Variants in DNMT3B observed in about 807,000 individuals in gnomAD.
DNMT3B encodes the protein DNA (cytosine-5)-methyltransferase 3B.
Under a neutral mutation model 120.2 loss-of-function variants are expected in DNMT3B, and 37 were observed. That is an observed-to-expected ratio of 0.31 (90% confidence interval 0.24 to 0.40). DNMT3B has a LOEUF of 0.40. Among genes scored for constraint, DNMT3B ranks in the 10% least tolerant of loss-of-function variants. The pLI is 1.00. For synonymous variants in DNMT3B, 412 were observed against 442.8 expected (o/e 0.93, Z 0.87); for missense variants, 878 against 1,137.3 (o/e 0.77, Z 3.28).
At chr20:32,763,594 A>G (rs1987110914) in intron 1 of DNMT3B, among the ~76,000 whole-genome samples, 1 of 152,180 alleles carries the variant, frequency 6.6e-6, no homozygotes, top group Non-Finnish European at 1.5e-5. Flanking sequence ...TCGTGGTTGC[A>G]TGGGGAGGGT....
intron 1 of DNMT3B, chr20:32,779,799 CG>C: frequency 2.6e-6 from 1 of 384,212 alleles, no homozygotes; most frequent in Non-Finnish European, 4.4e-6. Context: ...AGGAGAGAAG[CG>C]GTTCTGTGGG....
Position 32,781,404 on chromosome 20 carries a change from G to T in DNMT3B, c.194G>T (p.Ser65Ile). The change falls in exon 3 of 23, where the codon AGC (serine) becomes ATC (isoleucine). Residue 65 changes from serine (S) to isoleucine (I), a missense_variant. This residue lies in a region of DNMT3B where 287 missense variants were observed against 306.2 expected (regional missense o/e 0.94). Transcript: ENST00000328111. ...LSKREVSSLL[S>I]YTQDLTGDGD... ...AAGAGGGAGGTGTCCAGTCTGCTAA[G>T]CTACACACAGGTATGGTCTCTGCTC... The T allele has an allele frequency of 6.2e-7, 1 of 1,614,224 alleles. No individual in the cohort carries two copies. Among genetic ancestry groups the T allele is most frequent in the Non-Finnish European group, 8.5e-7 (1 of 1,180,046 alleles).
intron 10 of DNMT3B, 123 bp from the exon 11 acceptor site, chr20:32,795,286 G>A (rs1392181018): frequency 4.1e-6 from 6 of 1,473,494 alleles, no homozygotes; most frequent in Non-Finnish European, 4.7e-6. Flanking sequence ...TACATTCAGT[G>A]TGGACCCCCT....
Position 32,802,427 on chromosome 20 carries a change from C to T in DNMT3B, c.2188C>T (p.His730Tyr), listed in dbSNP as rs1240056301. The T allele has an allele frequency of 6.2e-7, 1 of 1,614,198 alleles. No individual in the cohort carries two copies. Among genetic ancestry groups the T allele is most frequent in the Admixed American group, 1.7e-5 (1 of 60,034 alleles). ...MIDAIKVSAAHRARYFWGNLP... is the reference protein window; with the variant it reads ...MIDAIKVSAAYRARYFWGNLP... The stretch of plus-strand genomic sequence containing the variant: ...TGATGCCATCAAAGTTTCTGCTGCT[C>T]ACAGGGCCCGATACTTCTGGGGCAA... The change falls in exon 20 of 23, where the codon CAC becomes TAC. Residue 730 changes from histidine to tyrosine, a missense_variant. By Grantham distance (83) the His-to-Tyr change is moderately conservative. Transcript: ENST00000328111.
intron 1 of DNMT3B, among the ~76,000 whole-genome samples, chr20:32,763,210 G>A (rs947028266): frequency 1.3e-4 from 20 of 152,340 alleles, no homozygotes; most frequent in Middle Eastern, 3.4e-3. Context: ...CTGGGATGTG[G>A]GGTCTTCAGG....
At chr20:32,772,076 TG>T (rs1237404878) in intron 1 of DNMT3B, among the ~76,000 whole-genome samples, 1 of 152,258 alleles carries the variant, frequency 6.6e-6, no homozygotes, top group African/African-American at 2.4e-5. Context: ...CTGCACTCTT[TG>T]CCCCCTATTG....
At chr20:32,793,398 G>T in intron 9 of DNMT3B, 138 bp from the exon 10 acceptor site, 1 of 950,320 alleles carries the variant, frequency 1.1e-6, no homozygotes, top group Non-Finnish European at 1.6e-6. Flanking sequence ...AGCCCAGGAG[G>T]CAGAGGTTGC....
intron 9 of DNMT3B, among the ~76,000 whole-genome samples, chr20:32,793,234 C>T (rs543024541): frequency 6.6e-5 from 10 of 152,310 alleles, no homozygotes; most frequent in African/African-American, 2.4e-4. Context: ...TGGCTCATGC[C>T]TGTAATCGCA....
In DNMT3B at chr20:32,797,210, C is replaced by T. The variant is rs774720875; in HGVS notation, c.1401C>T (p.Tyr467=). 11 of 1,613,998 alleles carry T rather than the reference C, an allele frequency of 6.8e-6. No homozygotes were observed. The highest frequency in any genetic ancestry group is 5.3e-5 in the African/African-American group (4 of 74,946). The stretch of plus-strand genomic sequence containing the variant: ...AGGATCGCTTCCTTGAGCTGTTTTA[C>T]ATGTATGATGACGATGGCTATCAGT... ...TCRDRFLELF[Y]MYDDDGYQSY... is the part of the protein sequence containing the mutation. Residue 467 remains tyrosine (Y), a synonymous_variant, in exon 14 of 23, where the codon TAC becomes TAT. Transcript: ENST00000328111.
intron 1 of DNMT3B, 138 bp downstream of exon 1, chr20:32,762,837 T>A (rs1349703132): frequency 6.6e-6 from 1 of 151,290 alleles, no homozygotes; most frequent in Non-Finnish European, 1.5e-5. Context: ...TCTCGCCGGG[T>A]TGGAGACCCG....
In DNMT3B at chr20:32,799,274, G is replaced by A. The variant is rs1007955291; in HGVS notation, c.1705G>A (p.Ala569Thr). ...EAPKLYPAIP[A>T]ARRRPIRVLS... The stretch of plus-strand genomic sequence containing the variant: ...CCCCAAGCTGTACCCTGCCATTCCC[G>A]CAGCCCGAAGGCGGCCCATTCGAGT... Residue 569 changes from alanine (A) to threonine (T), a missense_variant, in exon 16 of 23, where the codon GCA becomes ACA. Transcript: ENST00000328111. 7.4e-6 allele frequency: 12 copies of A among 1,613,190 alleles called. No homozygotes were observed. The highest frequency in any genetic ancestry group is 1.1e-5 in the South Asian group (1 of 90,790).
chr20:32,801,868 A>G (rs895738977), intron 19 of DNMT3B, among the ~76,000 whole-genome samples: 4 of 152,184 alleles, frequency 2.6e-5, no homozygotes, highest in Non-Finnish European at 5.9e-5. Context: ...TAGAGATGTG[A>G]GCCACCATCC....
At chr20:32,805,317 A>G (rs1418674358) in intron 20 of DNMT3B, 21 bp from the exon 21 acceptor site, 1 of 1,614,092 alleles carries the variant, frequency 6.2e-7, no homozygotes, top group Non-Finnish European at 8.5e-7. Flanking sequence ...GTAAGAAGTA[A>G]TGGGTTTTGG....
chr20:32,769,758 T>C (rs1478968411), intron 1 of DNMT3B, among the ~76,000 whole-genome samples: 1 of 152,120 alleles, frequency 6.6e-6, no homozygotes, highest in African/African-American at 2.4e-5. Flanking sequence ...TACATTATTA[T>C]TATTTTTGAG....
At chr20:32,780,105 A>G in intron 1 of DNMT3B, 11 of 1,613,402 alleles carry the variant, frequency 6.8e-6, no homozygotes, top group Non-Finnish European at 9.3e-6. Flanking sequence ...CCTTCGGGAC[A>G]GCCTGTCCAC....
intron 1 of DNMT3B, among the ~76,000 whole-genome samples, chr20:32,765,447 G>GT (rs563569656): frequency 1.5e-5 from 2 of 131,014 alleles, no homozygotes; most frequent in Non-Finnish European, 3.1e-5. Context: ...TTTTGAGACA[G>GT]TTTTGCTTTG....
chr20:32,805,262 A>AC lies in DNMT3B; in HGVS notation c.2232-73dup, dbSNP rs1601138891. On this transcript the variant is annotated intron_variant, in intron 20 of 22. Transcript: ENST00000328111. ...GCCAGGGCACATCTCTGCAACATAG[A>AC]CCCTCACTCCCACCTTGTGCCTAGC... The AC allele has an allele frequency of 8.4e-6, 13 of 1,556,028 alleles. No homozygotes were observed. In the East Asian group the frequency reaches 2.9e-4, roughly 35 times the overall value.
chr20:32,804,850 G>A (rs1395245766), intron 20 of DNMT3B, among the ~76,000 whole-genome samples: 2 of 152,036 alleles, frequency 1.3e-5, no homozygotes, highest in African/African-American at 4.8e-5. Flanking sequence ...AACCACTGCA[G>A]GCGGTTGCCA....
At chr20:32,798,671 C>A (rs764678769) in intron 15 of DNMT3B, 28 bp downstream of exon 15, 1 of 1,613,592 alleles carries the variant, frequency 6.2e-7, no homozygotes. Context: ...GCCTCTACCA[C>A]CACAGATCCC....
Sources: allele counts gnomAD v4.1 joint callset (sites outside exome capture counted in the v4.1 genomes callset), GRCh38; gene constraint gnomAD v4.1.1; regional missense constraint gnomAD v4.1.1; transcripts MANE v1.5; gene names NCBI Gene and HGNC (gene_info 2026-07-23, HGNC 2026-07-21).